Variants in ABTB3 observed in about 807,000 individuals in gnomAD.
ABTB3 encodes the protein ankyrin repeat and BTB domain containing 3, also known as ankyrin repeat- and BTB/POZ domain-containing protein 3.
chr12:107,428,942 G>A, the ABTB3 span, among the ~76,000 whole-genome samples: 1 of 152,214 alleles, frequency 6.6e-6, no homozygotes, highest in African/African-American at 2.4e-5. Context: ...GAGGCGATGA[G>A]GTTTGTTCAA....
the ABTB3 span, among the ~76,000 whole-genome samples, chr12:107,541,180 G>A: frequency 6.6e-6 from 1 of 152,182 alleles, no homozygotes; most frequent in African/African-American, 2.4e-5. Context: ...GAAACAGGAA[G>A]CCAGGAGATG....
chr12:107,528,022 T>C, the ABTB3 span, among the ~76,000 whole-genome samples: 2 of 152,164 alleles, frequency 1.3e-5, no homozygotes, highest in Non-Finnish European at 2.9e-5. Context: ...TTGGGAAATA[T>C]ACTAGAGTAA....
At chr12:107,424,819 G>A in the ABTB3 span, among the ~76,000 whole-genome samples, 3 of 152,070 alleles carry the variant, frequency 2.0e-5, no homozygotes, top group African/African-American at 7.2e-5. Flanking sequence ...GCTCCTCCCA[G>A]CTCCTCACCT....
At chr12:107,641,187 C>T in the ABTB3 span, among the ~76,000 whole-genome samples, 3 of 152,166 alleles carry the variant, frequency 2.0e-5, no homozygotes, top group African/African-American at 4.8e-5. Context: ...CCAGTCCCCC[C>T]ACCAAAACCA....
chr12:107,353,824 C>A, the ABTB3 span, among the ~76,000 whole-genome samples: 1 of 152,124 alleles, frequency 6.6e-6, no homozygotes, highest in Non-Finnish European at 1.5e-5. Context: ...GCTGTGCATT[C>A]CCTATGAGAA....
At chr12:107,513,675 C>T in the ABTB3 span, among the ~76,000 whole-genome samples, 3 of 152,102 alleles carry the variant, frequency 2.0e-5, no homozygotes, top group South Asian at 2.1e-4. Context: ...CTGTCCCCTG[C>T]GTTCAATAAA....
chr12:107,356,102 TCATC>T, the ABTB3 span, among the ~76,000 whole-genome samples: 1 of 152,218 alleles, frequency 6.6e-6, no homozygotes. Flanking sequence ...ATAAAAATGT[TCATC>T]CATATACCAC....
the ABTB3 span, among the ~76,000 whole-genome samples, chr12:107,469,864 T>TC: frequency 7.8e-5 from 11 of 141,426 alleles, no homozygotes; most frequent in African/African-American, 2.6e-4. Flanking sequence ...TTTCTTTCTT[T>TC]CTTTTCTTTC....
chr12:107,617,565 C>G, the ABTB3 span: 1 of 1,301,124 alleles, frequency 7.7e-7, no homozygotes, highest in Non-Finnish European at 1.0e-6. Context: ...TGGTCCAGGC[C>G]CCAGGTCTGG....
the ABTB3 span, among the ~76,000 whole-genome samples, chr12:107,485,579 G>A: frequency 2.0e-5 from 3 of 152,106 alleles, no homozygotes; most frequent in Non-Finnish European, 2.9e-5. Context: ...ATAGCAGAAG[G>A]CTTGACCTTC....
At chr12:107,614,837 T>A in the ABTB3 span, among the ~76,000 whole-genome samples, 7 of 152,144 alleles carry the variant, frequency 4.6e-5, no homozygotes, top group African/African-American at 1.7e-4. Flanking sequence ...TTGGTCTCTG[T>A]TCTTACAAAC....
the ABTB3 span, among the ~76,000 whole-genome samples, chr12:107,373,386 T>C: frequency 1.3e-5 from 2 of 152,102 alleles, no homozygotes; most frequent in African/African-American, 4.8e-5. Flanking sequence ...AGCCATTAGC[T>C]TGAACCCACT....
the ABTB3 span, among the ~76,000 whole-genome samples, chr12:107,534,003 C>T: frequency 6.6e-6 from 1 of 152,110 alleles, no homozygotes; most frequent in Non-Finnish European, 1.5e-5. Flanking sequence ...AAACAACATG[C>T]TTCTAAATGA....
At chr12:107,463,507 T>C in the ABTB3 span, among the ~76,000 whole-genome samples, 1 of 152,142 alleles carries the variant, frequency 6.6e-6, no homozygotes, top group Non-Finnish European at 1.5e-5. Context: ...ATTACTCCCA[T>C]TTTACACATA....
At chr12:107,319,968 C>G in the ABTB3 span, 7 of 1,582,468 alleles carry the variant, frequency 4.4e-6, no homozygotes, top group Non-Finnish European at 6.0e-6. Flanking sequence ...CTCCACGAGG[C>G]GCCCAAGTTC....
the ABTB3 span, among the ~76,000 whole-genome samples, chr12:107,411,832 T>A: frequency 1.3e-5 from 2 of 152,158 alleles, no homozygotes; most frequent in East Asian, 1.9e-4. Flanking sequence ...TGCGGCTTGA[T>A]CTATGTCTCT....
At chr12:107,585,142 G>T in the ABTB3 span, among the ~76,000 whole-genome samples, 1 of 152,116 alleles carries the variant, frequency 6.6e-6, no homozygotes, top group Non-Finnish European at 1.5e-5. Flanking sequence ...CCGTTTTTCT[G>T]CTCTGGAGTG....
At chr12:107,645,215 C>T in the ABTB3 span, among the ~76,000 whole-genome samples, 3 of 152,170 alleles carry the variant, frequency 2.0e-5, no homozygotes, top group Non-Finnish European at 4.4e-5. Flanking sequence ...GATCCGCCCG[C>T]CTTGGCCTCC....
At chr12:107,635,858 C>T in the ABTB3 span, among the ~76,000 whole-genome samples, 2 of 86,426 alleles carry the variant, frequency 2.3e-5, no homozygotes, top group South Asian at 6.1e-4. Context: ...CAACCCCCCC[C>T]CCCCCACCCA....
Sources: allele counts gnomAD v4.1 joint callset (sites outside exome capture counted in the v4.1 genomes callset), GRCh38; gene constraint gnomAD v4.1.1; transcripts MANE v1.5; gene names NCBI Gene and HGNC (gene_info 2026-07-23, HGNC 2026-07-21).